AP2B1: variants seen among roughly 807,000 people sequenced by gnomAD.
AP2B1 encodes adaptor related protein complex 2 subunit beta 1, also known as AP-2 complex subunit beta.
In AP2B1, 23 loss-of-function variants were observed where a neutral mutation model predicts 102.0. The ratio of observed to expected loss-of-function variants is 0.23; its 90% CI spans 0.16 to 0.32. The LOEUF (loss-of-function observed/expected upper bound fraction) is 0.32. Among genes scored for constraint, AP2B1 ranks in the 10% least tolerant of loss-of-function variants. AP2B1 has a pLI of 1.00. For synonymous variants in AP2B1, 381 were observed against 421.2 expected, an observed-to-expected ratio of 0.90 and a Z score of 1.17; for missense variants, 541 against 1,157.4, an observed-to-expected ratio of 0.47 and a Z score of 7.73.
At chr17:35,666,457 A>C (rs7212488) in intron 14 of AP2B1, among the ~76,000 whole-genome samples, 1 of 152,134 alleles carries the variant, frequency 6.6e-6, no homozygotes, top group East Asian at 1.9e-4. Context: ...TCAGTTACAG[A>C]TTTTTAATAC....
At chr17:35,640,233 T>TATTTA (rs775605084) in intron 11 of AP2B1, among the ~76,000 whole-genome samples, 4 of 60,322 alleles carry the variant, frequency 6.6e-5, no homozygotes, top group East Asian at 9.2e-4. Context: ...ACTGATTTTT[T>TATTTA]TTTTTTTTTT....
intron 14 of AP2B1, among the ~76,000 whole-genome samples, chr17:35,670,592 G>C (rs570944326): frequency 1.3e-5 from 2 of 152,252 alleles, no homozygotes; most frequent in African/African-American, 4.8e-5. Flanking sequence ...CCAGTGCAAA[G>C]ATTGGATCTG....
At chr17:35,647,147 G>A (rs1230873023) in intron 12 of AP2B1, among the ~76,000 whole-genome samples, 4 of 152,102 alleles carry the variant, frequency 2.6e-5, no homozygotes, top group African/African-American at 9.7e-5. Context: ...TAAAGTACAT[G>A]TGCCTTAAGG....
chr17:35,607,983 T>G, intron 4 of AP2B1, 159 bp from the exon 5 acceptor site: 1 of 841,634 alleles, frequency 1.2e-6, no homozygotes, highest in Non-Finnish European at 1.8e-6. Context: ...CAGCTAAGAT[T>G]TGTACTTAGG....
chr17:35,630,492 G>C (rs922078947), intron 9 of AP2B1, among the ~76,000 whole-genome samples: 1 of 152,126 alleles, frequency 6.6e-6, no homozygotes, highest in Admixed American at 6.6e-5. Flanking sequence ...AGGTGGTTTT[G>C]TTCTCTTCAC....
At chr17:35,639,968 G>GT (rs1331273152) in intron 11 of AP2B1, among the ~76,000 whole-genome samples, 4 of 152,204 alleles carry the variant, frequency 2.6e-5, no homozygotes, top group Non-Finnish European at 5.9e-5. Flanking sequence ...CCAGGCTGGA[G>GT]TGCAGTGGCA....
chr17:35,709,145 T>A, intron 18 of AP2B1, 79 bp from the exon 19 acceptor site: 2 of 1,277,460 alleles, frequency 1.6e-6, no homozygotes, highest in East Asian at 2.3e-5. Flanking sequence ...GGAGGCCTAT[T>A]TCTAGACACA....
At chr17:35,604,010 G>A (rs2073575938) in intron 3 of AP2B1, among the ~76,000 whole-genome samples, 1 of 152,114 alleles carries the variant, frequency 6.6e-6, no homozygotes, top group Non-Finnish European at 1.5e-5. Context: ...TGGACTAAGT[G>A]ATCTTCCACG....
At position 35,623,987 on chromosome 17, in the gene AP2B1, A is replaced by G. The variant is rs527525951; in HGVS notation, c.526-410A>G. Among the ~76,000 whole-genome samples the G allele has an allele frequency of 3.5e-4, 54 of 152,308 alleles. 1 individual carries two copies. Among genetic ancestry groups the G allele is most frequent in the Admixed American group, 3.1e-3 (47 of 15,298 alleles). ...TGTCACCTCCCCCAAACCCATACAT[A>G]TACAGCTACACAACTATAAGATTAT... On this transcript the variant is annotated intron_variant, in intron 5 of 21. Coordinates refer to ENST00000610402, the MANE Select transcript of AP2B1 (RefSeq NM_001030006.2).
At chr17:35,596,334 CA>C (rs1462597032) in intron 2 of AP2B1, among the ~76,000 whole-genome samples, 2 of 152,148 alleles carry the variant, frequency 1.3e-5, no homozygotes, top group Non-Finnish European at 2.9e-5. Flanking sequence ...TTAAAGGGCC[CA>C]GCTTTTCTTG....
rs563269372 is a variant in AP2B1 at position 35,604,257 on chromosome 17, A to G, written c.144-1448A>G. ...TGAGTAGCTGGGACCACAGGCGCAC[A>G]CCACCATGCCTGGCTAATTTTTAAA... is the stretch of plus-strand genomic sequence containing the variant. On this transcript the variant is annotated intron_variant, in intron 3 of 21. Coordinates refer to ENST00000610402, the MANE Select transcript of AP2B1 (RefSeq NM_001030006.2). Among the ~76,000 whole-genome samples the G allele has an allele frequency of 7.8e-3, 1,184 of 151,974 alleles. 5 individuals carry two copies. Among genetic ancestry groups the G allele is most frequent in the Non-Finnish European group, 0.012 (792 of 67,960 alleles).
chr17:35,608,719 A>G (rs1029997971), intron 5 of AP2B1, among the ~76,000 whole-genome samples: 2 of 152,148 alleles, frequency 1.3e-5, no homozygotes, highest in African/African-American at 2.4e-5. Context: ...TCAGATCAAT[A>G]TTTGTGGTAT....
At chr17:35,664,014 C>CAA (rs1383726667) in intron 14 of AP2B1, among the ~76,000 whole-genome samples, 8 of 152,302 alleles carry the variant, frequency 5.3e-5, no homozygotes, top group Middle Eastern at 3.4e-3. Flanking sequence ...CCACCTCAGC[C>CAA]TCCCAAAGTG....
intron 14 of AP2B1, among the ~76,000 whole-genome samples, chr17:35,668,058 C>G (rs2075507433): frequency 6.6e-6 from 1 of 151,532 alleles, no homozygotes; most frequent in South Asian, 2.1e-4. Flanking sequence ...CTGTATCAGC[C>G]TTCTGAGTAG....
intron 5 of AP2B1, among the ~76,000 whole-genome samples, chr17:35,611,317 T>G (rs1388584003): frequency 1.3e-5 from 2 of 152,188 alleles, no homozygotes; most frequent in African/African-American, 4.8e-5. Flanking sequence ...GCTAAGAATA[T>G]GGAATGGCTC....
At chr17:35,682,334 C>CTTTTTTTTTTTTTTTTTTTTT (rs587645888) in intron 17 of AP2B1, among the ~76,000 whole-genome samples, 1 of 72,056 alleles carries the variant, frequency 1.4e-5, no homozygotes. Flanking sequence ...AATCCTGCCT[C>CTTTTTTTTTTTTTTTTTTTTT]TTTTTTTTTT....
In AP2B1 at chr17:35,627,349, C is replaced by T. The variant is rs754354473; in HGVS notation, c.939-36C>T. 8 of 1,567,740 alleles carry T rather than the reference C, an allele frequency of 5.1e-6. No individual in the cohort carries two copies. The East Asian group carries it at 1.9e-4, about 38-fold the overall frequency. On this transcript the variant is annotated intron_variant, in intron 7 of 21. Transcript: ENST00000610402. ...CTCAGAAGGGTATATCAGTATATGC[C>T]TTCACCTTCCTTTCTTCTGTTTCTG...
At position 35,682,645 on chromosome 17, in the gene AP2B1, A is replaced by C. The variant is rs1339573809; in HGVS notation, c.2325-50A>C. The stretch of plus-strand genomic sequence containing the variant: ...AGGCATGAGCCACCATGCCCAGCCT[A>C]AATTCTGCCTCTTGATTAACCTCTG... On this transcript the variant is annotated intron_variant, in intron 17 of 21. Coordinates refer to ENST00000610402, the MANE Select transcript of AP2B1 (RefSeq NM_001030006.2). 1.9e-6 allele frequency: 3 copies of C among 1,583,548 alleles called. No homozygotes were observed. The South Asian group carries it at 3.3e-5, about 18-fold the overall frequency.
In AP2B1 at chr17:35,676,977, C is replaced by G. The variant is rs113358929; in HGVS notation, c.2324+2656C>G. 9.7e-3 allele frequency among the ~76,000 whole-genome samples: 1,476 copies of G among 152,088 alleles called. 20 individuals carry two copies. The highest frequency in any genetic ancestry group is 0.033 in the African/African-American group (1,389 of 41,482). ...TCTTAATAATGTTTTCAAAAAAAAC[C>G]AAAAGGGTGTTTTTGTTTGTTTTTT... On this transcript the variant is annotated intron_variant, in intron 17 of 21. Transcript: ENST00000610402.
Sources: allele counts gnomAD v4.1 joint callset (sites outside exome capture counted in the v4.1 genomes callset), GRCh38; gene constraint gnomAD v4.1.1; transcripts MANE v1.5; gene names NCBI Gene and HGNC (gene_info 2026-07-23, HGNC 2026-07-21).